The following ZDHHC20 variants were observed in gnomAD, a reference collection of about 807,000 sequenced individuals.
The protein encoded by ZDHHC20 is palmitoyltransferase ZDHHC20.
A neutral mutation model predicts 57.8 loss-of-function variants in ZDHHC20; 43 were observed. That is an observed-to-expected ratio of 0.74 (90% confidence interval 0.58 to 0.96). The LOEUF is 0.96. Ranked by LOEUF, ZDHHC20 falls within the 40% of genes least tolerant of loss-of-function variation. The probability of loss-of-function intolerance (pLI) is 0.00; values close to 1 mark genes in which losing one functional copy is unlikely to be tolerated. For synonymous variants in ZDHHC20, 157 were observed against 153.0 expected (o/e 1.03, Z -0.19); for missense variants, 391 against 441.1 (o/e 0.89, Z 1.02).
At chr13:21,398,945 A>G (rs1282681114) in intron 7 of ZDHHC20, among the ~76,000 whole-genome samples, 1 of 152,256 alleles carries the variant, frequency 6.6e-6, no homozygotes, top group South Asian at 2.1e-4. Context: ...ACAGCCCAGG[A>G]CTGAACCTAT....
chr13:21,407,961 T>G (rs534271808), intron 4 of ZDHHC20, among the ~76,000 whole-genome samples: 16 of 152,232 alleles, frequency 1.1e-4, no homozygotes, highest in Non-Finnish European at 1.9e-4. Flanking sequence ...GGCCTCTGTT[T>G]TGTTCCATTG....
At chr13:21,439,421 G>A (rs1341230260) in intron 1 of ZDHHC20, among the ~76,000 whole-genome samples, 1 of 152,044 alleles carries the variant, frequency 6.6e-6, no homozygotes, top group African/African-American at 2.4e-5. Context: ...GATTGCCTGA[G>A]CCCAGGAGGT....
intron 7 of ZDHHC20, among the ~76,000 whole-genome samples, chr13:21,392,108 T>G (rs1347304708): frequency 6.6e-6 from 1 of 151,752 alleles, no homozygotes; most frequent in Admixed American, 6.6e-5. Flanking sequence ...CTTGGCATGG[T>G]GGTGCATACC....
chr13:21,417,731 G>A (rs181038059), intron 3 of ZDHHC20, among the ~76,000 whole-genome samples: 10 of 152,158 alleles, frequency 6.6e-5, no homozygotes, highest in African/African-American at 1.7e-4. Flanking sequence ...GAGCCACCAC[G>A]TCTGGCCCTA....
At chr13:21,398,463 C>CAAAA (rs533339364) in intron 7 of ZDHHC20, among the ~76,000 whole-genome samples, 5 of 98,268 alleles carry the variant, frequency 5.1e-5, no homozygotes, top group African/African-American at 1.7e-4. Context: ...GACTCCGTCT[C>CAAAA]AAAAAAAAAA....
chr13:21,394,822 GACACC>G (rs1876480003), intron 7 of ZDHHC20, among the ~76,000 whole-genome samples: 1 of 152,156 alleles, frequency 6.6e-6, no homozygotes, highest in Non-Finnish European at 1.5e-5. Context: ...TCATGAGGCT[GACACC>G]ACACAGGTAG....
At chr13:21,417,089 A>T (rs1021105086) in intron 3 of ZDHHC20, among the ~76,000 whole-genome samples, 1 of 152,190 alleles carries the variant, frequency 6.6e-6, no homozygotes, top group African/African-American at 2.4e-5. Context: ...TACAGGAATA[A>T]ACAACAAAGA....
At chr13:21,405,295 T>C (rs912150726) in intron 4 of ZDHHC20, among the ~76,000 whole-genome samples, 1 of 152,240 alleles carries the variant, frequency 6.6e-6, no homozygotes, top group African/African-American at 2.4e-5. Context: ...TCATTTAATA[T>C]GATACAGAGG....
At position 21,376,590 on chromosome 13, in the gene ZDHHC20, T is replaced by G. The variant is rs1872114195; in HGVS notation, c.*106A>C. On this transcript the variant is annotated 3_prime_UTR_variant, in exon 13 of 13. Coordinates refer to ENST00000400590, the MANE Select transcript of ZDHHC20 (RefSeq NM_001330059.2). ...TATCTTCTGTTATACTTCAGTTATT[T>G]CATTCCACTGATCATTTTCTTGCAA... 2 of 1,291,674 alleles carry G rather than the reference T, an allele frequency of 1.5e-6. No individual in the cohort carries two copies. Among genetic ancestry groups the G allele is most frequent in the Non-Finnish European group, 2.1e-6 (2 of 953,066 alleles). 80.0% of individuals were successfully genotyped at this position (1,291,674 alleles called of 1,614,324 possible). A position where few individuals can be genotyped will look rare whatever the true frequency, so the allele number is the denominator to read the frequency against.
chr13:21,459,012 C>G, intron 1 of ZDHHC20, 42 bp downstream of exon 1: 1 of 1,514,618 alleles, frequency 6.6e-7, no homozygotes. Flanking sequence ...GCGCCCTAGC[C>G]GCGGCCCGCG....
chr13:21,455,664 G>C (rs1290970328), intron 1 of ZDHHC20, among the ~76,000 whole-genome samples: 1 of 103,108 alleles, frequency 9.7e-6, no homozygotes, highest in African/African-American at 3.4e-5. Flanking sequence ...GTGTGTGTGT[G>C]TGTGTGTGTC....
At chr13:21,406,463 C>A (rs1878457890) in intron 4 of ZDHHC20, among the ~76,000 whole-genome samples, 1 of 152,054 alleles carries the variant, frequency 6.6e-6, no homozygotes, top group Admixed American at 6.6e-5. Context: ...TATACATGTG[C>A]CATGGTGGTT....
At chr13:21,426,164 A>G (rs962363084) in intron 1 of ZDHHC20, among the ~76,000 whole-genome samples, 33 of 152,220 alleles carry the variant, frequency 2.2e-4, no homozygotes, top group Non-Finnish European at 1.3e-4. Flanking sequence ...CAAATACTGA[A>G]GAAGTCAGAC....
chr13:21,414,913 T>C (rs980413143), intron 3 of ZDHHC20, among the ~76,000 whole-genome samples: 1 of 152,112 alleles, frequency 6.6e-6, no homozygotes, highest in Non-Finnish European at 1.5e-5. Context: ...TAAGAATGGC[T>C]TGAGATTTGT....
intron 1 of ZDHHC20, among the ~76,000 whole-genome samples, chr13:21,434,073 G>A (rs1274521302): frequency 2.6e-5 from 4 of 151,152 alleles, no homozygotes; most frequent in African/African-American, 2.4e-5. Context: ...AACAGGGTTT[G>A]TTTTCCTTTC....
intron 3 of ZDHHC20, among the ~76,000 whole-genome samples, chr13:21,419,527 G>C (rs1229907772): frequency 6.6e-6 from 1 of 152,180 alleles, no homozygotes; most frequent in African/African-American, 2.4e-5. Context: ...AAACAATAAT[G>C]AGAATGAATG....
At chr13:21,441,393 T>C (rs1883138243) in intron 1 of ZDHHC20, among the ~76,000 whole-genome samples, 2 of 148,884 alleles carry the variant, frequency 1.3e-5, no homozygotes, top group East Asian at 2.0e-4. Context: ...TTTTCTCTCT[T>C]TTTTTTTTTT....
intron 1 of ZDHHC20, among the ~76,000 whole-genome samples, chr13:21,457,267 T>C (rs1305553002): frequency 6.6e-6 from 1 of 152,250 alleles, no homozygotes; most frequent in African/African-American, 2.4e-5. Flanking sequence ...TGCACATTTT[T>C]AGTGTTCCTT....
chr13:21,381,688 C>T (rs1873447546), intron 10 of ZDHHC20, 139 bp from the exon 11 acceptor site: 1 of 630,188 alleles, frequency 1.6e-6, no homozygotes, highest in Non-Finnish European at 2.7e-6. Flanking sequence ...TCTGAAAAAA[C>T]TATCTTCAAA....
Sources: gnomAD v4.1 joint callset for allele counts (sites outside exome capture counted in the v4.1 genomes callset) on GRCh38, gnomAD v4.1.1 for gene constraint, MANE v1.5 for transcripts, NCBI Gene and HGNC (gene_info 2026-07-23, HGNC 2026-07-21) for gene names.